Variants in ANO3 observed in about 807,000 individuals in gnomAD.
ANO3 encodes the protein anoctamin 3.
A neutral mutation model predicts 144.8 loss-of-function variants in ANO3; 99 were observed. The ratio of observed to expected loss-of-function variants is 0.68; its 90% CI spans 0.58 to 0.81. The LOEUF is 0.81. Among genes scored for constraint, ANO3 ranks in the 30% least tolerant of loss-of-function variants. The pLI, the probability that ANO3 is intolerant of heterozygous loss-of-function variation, is 0.00. For missense variants in ANO3, 905 were observed against 1,202.2 expected (o/e 0.75, Z 3.66); for synonymous variants, 414 against 392.6 (o/e 1.05, Z -0.64).
intron 1 of ANO3, among the ~76,000 whole-genome samples, chr11:26,365,506 G>A (rs888494350): frequency 6.6e-6 from 1 of 152,200 alleles, no homozygotes; most frequent in African/African-American, 2.4e-5. Flanking sequence ...GCTTCTGCCT[G>A]GATATCCATC....
chr11:26,269,928 A>C (rs1021919692), intron 1 of ANO3, among the ~76,000 whole-genome samples: 6 of 152,194 alleles, frequency 3.9e-5, no homozygotes, highest in Non-Finnish European at 8.8e-5. Context: ...GCCCTAATCA[A>C]ACATGACTGA....
chr11:26,496,095 T>A (rs573122924), intron 4 of ANO3, among the ~76,000 whole-genome samples: 22 of 152,046 alleles, frequency 1.4e-4, no homozygotes, highest in Non-Finnish European at 2.9e-4. Flanking sequence ...GTTTCAGAGA[T>A]TTTTTTTCCC....
At chr11:26,320,864 A>G (rs1210247139) in intron 1 of ANO3, among the ~76,000 whole-genome samples, 1 of 152,148 alleles carries the variant, frequency 6.6e-6, no homozygotes, top group African/African-American at 2.4e-5. Context: ...CAATGTACAT[A>G]TCTTGATTTA....
intron 1 of ANO3, among the ~76,000 whole-genome samples, chr11:26,197,269 C>T (rs1831991171): frequency 6.7e-6 from 1 of 149,528 alleles, no homozygotes; most frequent in African/African-American, 2.6e-5. Context: ...AAAGATCCTA[C>T]ATGAGGAAGG....
chr11:26,286,480 C>T (rs75723120), intron 1 of ANO3, among the ~76,000 whole-genome samples: 5,038 of 152,160 alleles, frequency 0.033, 152 homozygotes, highest in African/African-American at 0.088. Context: ...AAGTTTCCCC[C>T]GTGATTCTAA....
chr11:26,617,124 A>G (rs1246657633), intron 17 of ANO3, among the ~76,000 whole-genome samples: 2 of 152,104 alleles, frequency 1.3e-5, no homozygotes, highest in Non-Finnish European at 2.9e-5. Context: ...TTTGGCTGAA[A>G]TTGTCACTGT....
chr11:26,452,558 C>A (rs559303702), intron 3 of ANO3, among the ~76,000 whole-genome samples: 2 of 152,312 alleles, frequency 1.3e-5, no homozygotes, highest in African/African-American at 2.4e-5. Flanking sequence ...CGAACAAAGC[C>A]TCCAAGAAAT....
intron 18 of ANO3, among the ~76,000 whole-genome samples, chr11:26,625,697 T>C (rs1852562327): frequency 6.6e-6 from 1 of 152,212 alleles, no homozygotes; most frequent in Non-Finnish European, 1.5e-5. Flanking sequence ...TCAAGTATTA[T>C]ACAAACTTGA....
chr11:26,424,236 G>T, intron 1 of ANO3, among the ~76,000 whole-genome samples: 2 of 14,488 alleles, frequency 1.4e-4, no homozygotes, highest in Non-Finnish European at 2.0e-4. Context: ...TATTATCTTT[G>T]ACTAAAATCT....
At chr11:26,579,443 G>A (rs1043440265) in intron 14 of ANO3, among the ~76,000 whole-genome samples, 1 of 152,126 alleles carries the variant, frequency 6.6e-6, no homozygotes, top group Non-Finnish European at 1.5e-5. Context: ...ATGACCTGAA[G>A]AAGATTTTGA....
chr11:26,211,756 T>C (rs1218803201), intron 1 of ANO3, among the ~76,000 whole-genome samples: 1 of 152,042 alleles, frequency 6.6e-6, no homozygotes, highest in Non-Finnish European at 1.5e-5. Flanking sequence ...AAAGACACTA[T>C]AACATGTTTG....
chr11:26,254,298 C>T (rs775125364), intron 1 of ANO3, among the ~76,000 whole-genome samples: 5 of 152,058 alleles, frequency 3.3e-5, no homozygotes, highest in Non-Finnish European at 7.4e-5. Flanking sequence ...TGTTGCTGCA[C>T]TTTCTGTTTA....
chr11:26,579,098 T>C (rs530841882), intron 14 of ANO3, among the ~76,000 whole-genome samples: 46 of 152,332 alleles, frequency 3.0e-4, no homozygotes, highest in African/African-American at 1.0e-3. Flanking sequence ...CATACATATA[T>C]TGAAGTGGCA....
chr11:26,559,537 A>T, intron 13 of ANO3, 182 bp from the exon 14 acceptor site: 2 of 569,884 alleles, frequency 3.5e-6, no homozygotes, highest in South Asian at 2.3e-5. Flanking sequence ...ACCTCTCCCC[A>T]TGAGAAAAAT....
intron 3 of ANO3, among the ~76,000 whole-genome samples, chr11:26,460,403 A>C (rs1859345252): frequency 3.0e-5 from 3 of 101,158 alleles, no homozygotes. Flanking sequence ...ATACCAAGAA[A>C]GAAAAAGAAG....
At chr11:26,342,397 T>C (rs906938826) in intron 1 of ANO3, among the ~76,000 whole-genome samples, 2 of 152,198 alleles carry the variant, frequency 1.3e-5, no homozygotes, top group African/African-American at 4.8e-5. Flanking sequence ...GAGTGCCTTC[T>C]GAAGGGGCTA....
intron 4 of ANO3, among the ~76,000 whole-genome samples, chr11:26,503,648 T>C (rs953806330): frequency 1.3e-5 from 2 of 152,100 alleles, no homozygotes; most frequent in African/African-American, 2.4e-5. Context: ...ATTTATATAA[T>C]AATTAAAAAT....
intron 1 of ANO3, among the ~76,000 whole-genome samples, chr11:26,355,223 A>G (rs1564979533): frequency 1.3e-5 from 2 of 152,250 alleles, no homozygotes; most frequent in East Asian, 3.9e-4. Flanking sequence ...CAGCTTATTG[A>G]AAAACAGTGA....
At chr11:26,334,199 C>T (rs767771164) in intron 1 of ANO3, among the ~76,000 whole-genome samples, 13 of 152,142 alleles carry the variant, frequency 8.5e-5, no homozygotes, top group Non-Finnish European at 1.8e-4. Flanking sequence ...CTCTTTGGCA[C>T]AAAAGGCAAC....
Sources: allele counts gnomAD v4.1 joint callset (sites outside exome capture counted in the v4.1 genomes callset), GRCh38; gene constraint gnomAD v4.1.1; transcripts MANE v1.5; gene names NCBI Gene and HGNC (gene_info 2026-07-23, HGNC 2026-07-21).